The following AUTS2 variants were observed in gnomAD, a reference collection of about 807,000 sequenced individuals.
AUTS2 encodes the protein autism susceptibility gene 2 protein.
In AUTS2, 17 loss-of-function variants were observed where a neutral mutation model predicts 112.4. The ratio of observed to expected loss-of-function variants is 0.15; its 90% CI spans 0.10 to 0.23. The LOEUF is 0.23. Among genes scored for constraint, AUTS2 ranks in the 10% least tolerant of loss-of-function variants. The pLI is 1.00. For synonymous variants in AUTS2, 751 were observed against 702.7 expected (o/e 1.07, Z -1.09); for missense variants, 1,510 against 1,701.6 (o/e 0.89, Z 1.98).
At chr7:70,466,985 A>C (rs1249094899) in intron 5 of AUTS2, among the ~76,000 whole-genome samples, 1 of 152,184 alleles carries the variant, frequency 6.6e-6, no homozygotes, top group Non-Finnish European at 1.5e-5. Context: ...AAAGGAGCTA[A>C]ATTCTTCTTG....
chr7:70,622,633 A>G (rs1804741335), intron 5 of AUTS2, among the ~76,000 whole-genome samples: 1 of 152,230 alleles, frequency 6.6e-6, no homozygotes, highest in Admixed American at 6.5e-5. Context: ...ATAAGACTTA[A>G]AAAAGGCTTG....
chr7:69,674,530 TTAATA>T (rs71999668), intron 1 of AUTS2, among the ~76,000 whole-genome samples: 92,391 of 150,874 alleles, frequency 0.61, 28,599 homozygotes, highest in East Asian at 0.7. Context: ...TTGTAAACAC[TTAATA>T]TATGTTGGTT....
At chr7:70,559,421 GC>G (rs1169501381) in intron 5 of AUTS2, among the ~76,000 whole-genome samples, 9 of 150,978 alleles carry the variant, frequency 6.0e-5, no homozygotes, top group African/African-American at 2.0e-4. Context: ...TGCAACTTCT[GC>G]CTCCCGGGTT....
chr7:70,660,953 A>C (rs1327290411), intron 5 of AUTS2, among the ~76,000 whole-genome samples: 1 of 152,198 alleles, frequency 6.6e-6, no homozygotes, highest in Non-Finnish European at 1.5e-5. Flanking sequence ...GAACCTTCTC[A>C]GCTTTCCTGA....
chr7:70,762,602 C>T (rs182327545), intron 6 of AUTS2, among the ~76,000 whole-genome samples: 1 of 152,146 alleles, frequency 6.6e-6, no homozygotes. Flanking sequence ...CTCCTCTGGC[C>T]AGTTGGCCTT....
chr7:70,119,015 G>A (rs1805542380), intron 3 of AUTS2: 1 of 145,364 alleles, frequency 6.9e-6, no homozygotes, highest in South Asian at 2.2e-4. Context: ...TTTTGAGATG[G>A]AGTCTCACTC....
At chr7:70,616,366 G>A (rs1351658703) in intron 5 of AUTS2, among the ~76,000 whole-genome samples, 1 of 152,190 alleles carries the variant, frequency 6.6e-6, no homozygotes, top group African/African-American at 2.4e-5. Context: ...GAGGCTCCAG[G>A]ATCTAAGCCC....
chr7:70,364,566 AAAATAAATAAATAAAT>A lies in AUTS2; in HGVS notation c.661-71150_661-71135del, dbSNP rs200011798. Reference sequence around the variant, plus strand: ...GGTGACAAAGCAAGACTCTGTCTCAAAAATAAATAAATAAATAAATAAATAAATAAATAAATAAATA... The same window carrying A: ...GGTGACAAAGCAAGACTCTGTCTCAAAAATAAATAAATAAATAAATAAATA... On this transcript the variant is annotated intron_variant, in intron 4 of 18. Coordinates refer to ENST00000342771, the MANE Select transcript of AUTS2 (RefSeq NM_015570.4). Among the ~76,000 whole-genome samples the A allele has an allele frequency of 9.0e-3, 1,249 of 138,092 alleles. 25 individuals carry two copies. Among genetic ancestry groups the A allele is most frequent in the African/African-American group, 0.031 (1,134 of 37,054 alleles). 90.6% of individuals were successfully genotyped at this position (138,092 alleles called of 152,430 possible).
At chr7:70,416,825 A>G (rs10452740) in intron 4 of AUTS2, among the ~76,000 whole-genome samples, 37,584 of 152,012 alleles carry the variant, frequency 0.25, 5,208 homozygotes, top group African/African-American at 0.37. Context: ...AGCCTCCTGC[A>G]CCCCTGCTCC....
At chr7:69,689,640 T>TTTA (rs1797232129) in intron 1 of AUTS2, among the ~76,000 whole-genome samples, 120 of 119,468 alleles carry the variant, frequency 1.0e-3, no homozygotes, top group Admixed American at 2.4e-3. Flanking sequence ...GCACCCGGCC[T>TTTA]TTTATTTATT....
intron 1 of AUTS2, among the ~76,000 whole-genome samples, chr7:69,854,331 T>A (rs1792622051): frequency 6.6e-6 from 1 of 152,182 alleles, no homozygotes; most frequent in African/African-American, 2.4e-5. Context: ...GGGACTTGAA[T>A]ACAGGTCTTA....
At chr7:70,335,014 C>G (rs762954333) in intron 4 of AUTS2, among the ~76,000 whole-genome samples, 1 of 152,104 alleles carries the variant, frequency 6.6e-6, no homozygotes, top group Non-Finnish European at 1.5e-5. Flanking sequence ...AGCTTGGTAC[C>G]TCAGCTGTCC....
At chr7:69,663,534 T>G (rs1795898242) in intron 1 of AUTS2, among the ~76,000 whole-genome samples, 1 of 152,220 alleles carries the variant, frequency 6.6e-6, no homozygotes, top group Non-Finnish European at 1.5e-5. Flanking sequence ...GGATTTGGTA[T>G]AGTTACTTAA....
intron 5 of AUTS2, among the ~76,000 whole-genome samples, chr7:70,638,579 TC>T (rs1458850273): frequency 6.6e-6 from 1 of 151,568 alleles, no homozygotes; most frequent in East Asian, 1.9e-4. Context: ...GTAGTTAACC[TC>T]CATAAAGGAC....
chr7:70,414,410 G>C (rs576157210), intron 4 of AUTS2, among the ~76,000 whole-genome samples: 1 of 152,188 alleles, frequency 6.6e-6, no homozygotes, highest in Non-Finnish European at 1.5e-5. Context: ...GGGACTGGCA[G>C]AATTGGAATT....
At chr7:69,917,010 AT>A (rs776628160) in intron 2 of AUTS2, among the ~76,000 whole-genome samples, 1 of 152,040 alleles carries the variant, frequency 6.6e-6, no homozygotes, top group East Asian at 1.9e-4. Flanking sequence ...AAGCCCACAC[AT>A]TTTTTTGTTT....
In AUTS2 at chr7:70,790,192, G is replaced by A. The variant is rs1434315007; in HGVS notation, c.2976G>A (p.Leu992=). 1.9e-6 allele frequency: 3 copies of A among 1,612,400 alleles called. No homozygotes were observed. Among genetic ancestry groups the A allele is most frequent in the East Asian group, 2.2e-5 (1 of 44,840 alleles). The change falls in exon 19 of 19, where the codon CTG becomes CTA. Residue 992 remains leucine (L), a synonymous_variant. Transcript: ENST00000342771. This position sits in a 1 kb window ranked among gnomAD's most constrained non-coding sequence, Gnocchi z 7.6. ...AGGAGCGGAAGGAAGACCATGACCT[G>A]CCTCCAGAGGCCCCGCAGACCCACC... ...VKEERKEDHD[L]PPEAPQTHRA...
chr7:69,805,058 T>C (rs1427728327), intron 1 of AUTS2, among the ~76,000 whole-genome samples: 2 of 152,228 alleles, frequency 1.3e-5, no homozygotes, highest in Non-Finnish European at 2.9e-5. Flanking sequence ...TAAACTCTTA[T>C]TTGGTGCAGT....
intron 4 of AUTS2, among the ~76,000 whole-genome samples, chr7:70,235,238 GTCCTTCTGCTTCAGCC>G (rs1202854281): frequency 6.6e-6 from 1 of 151,876 alleles, no homozygotes; most frequent in Non-Finnish European, 1.5e-5. Flanking sequence ...GGCTCAAGTG[GTCCTTCTGCTTCAGCC>G]TCCTGATTAG....
Sources: allele counts gnomAD v4.1 joint callset (sites outside exome capture counted in the v4.1 genomes callset), GRCh38; gene constraint gnomAD v4.1.1; non-coding constraint Gnocchi (gnomAD v3.1); transcripts MANE v1.5; gene names NCBI Gene and HGNC (gene_info 2026-07-23, HGNC 2026-07-21).